Variants in RGS5 observed in about 807,000 individuals in gnomAD.
RGS5 encodes regulator of G protein signaling 5, also known as regulator of G-protein signalling 5.
A neutral mutation model predicts 18.9 loss-of-function variants in RGS5; 20 were observed. The ratio of observed to expected loss-of-function variants is 1.06; its 90% confidence interval spans 0.74 to 1.54. The LOEUF (loss-of-function observed/expected upper bound fraction) is 1.54, where lower values mean the gene tolerates loss of function less well. Among genes scored for constraint, RGS5 ranks in the 40% most tolerant of loss-of-function variants. The pLI, the probability that RGS5 is intolerant of heterozygous loss-of-function variation, is 0.00. For missense variants in RGS5, 201 were observed against 211.8 expected (o/e 0.95, Z 0.32); for synonymous variants, 57 against 76.2 (o/e 0.75, Z 1.31).
intron 2 of RGS5, chr1:163,266,534 C>T (rs1356901351): frequency 1.3e-5 from 2 of 152,000 alleles, no homozygotes; most frequent in Non-Finnish European, 2.9e-5. Context: ...CCATGCTTTG[C>T]CTCAATGTTT....
intron 2 of RGS5, among the ~76,000 whole-genome samples, chr1:163,270,515 CTT>C (rs1019102666): frequency 1.3e-5 from 2 of 151,782 alleles, no homozygotes; most frequent in Non-Finnish European, 2.9e-5. Context: ...GAGACCCTCT[CTT>C]TAAAAAGGAA....
intron 1 of RGS5, among the ~76,000 whole-genome samples, chr1:163,183,109 A>G (rs1251522153): frequency 6.6e-6 from 1 of 152,226 alleles, no homozygotes; most frequent in East Asian, 1.9e-4. Flanking sequence ...ACTACAAACA[A>G]CAATACTTAG....
In RGS5 at chr1:163,231,651, A is replaced by G. The variant is rs1032495902; in HGVS notation, c.-280-63283T>C. On this transcript the variant is annotated intron_variant, in intron 2 of 5. Transcript: ENST00000618415. ...GGAGAATAAACTGAACTTATTTGGTACTGTTGCCTTTTGTCCAAGCCCTTG... is the reference window on the plus strand; with the variant it reads ...GGAGAATAAACTGAACTTATTTGGTGCTGTTGCCTTTTGTCCAAGCCCTTG... 2.6e-5 allele frequency among the ~76,000 whole-genome samples: 4 copies of G among 151,494 alleles called. No individual in the cohort carries two copies. The Admixed American group carries it at 2.6e-4, about 10-fold the overall frequency.
At chr1:163,153,299 A>G (rs1657451607) in intron 3 of RGS5, among the ~76,000 whole-genome samples, 1 of 152,156 alleles carries the variant, frequency 6.6e-6, no homozygotes, top group African/African-American at 2.4e-5. Flanking sequence ...TAGATTCTGG[A>G]AAAAGTAGAA....
At chr1:163,269,977 C>G (rs755264276) in intron 2 of RGS5, among the ~76,000 whole-genome samples, 4 of 152,104 alleles carry the variant, frequency 2.6e-5, no homozygotes, top group Non-Finnish European at 5.9e-5. Context: ...TTATTAAACT[C>G]TAAAGAATTC....
intron 1 of RGS5, among the ~76,000 whole-genome samples, chr1:163,215,698 C>A (rs904591491): frequency 1.3e-5 from 2 of 152,146 alleles, no homozygotes; most frequent in Non-Finnish European, 1.5e-5. Context: ...AAATTGAAAT[C>A]TCTTCTCCAG....
chr1:163,258,344 T>C (rs548541023), intron 2 of RGS5, among the ~76,000 whole-genome samples: 1 of 152,318 alleles, frequency 6.6e-6, no homozygotes, highest in South Asian at 2.1e-4. Context: ...GGAATATGGA[T>C]ATAAATCTGG....
upstream of RGS5, among the ~76,000 whole-genome samples, chr1:163,206,338 T>C (rs772678825): frequency 3.3e-5 from 5 of 152,046 alleles, no homozygotes; most frequent in Non-Finnish European, 5.9e-5. Context: ...ACTAAGACAA[T>C]ATGGATTCAT....
intron 1 of RGS5, among the ~76,000 whole-genome samples, chr1:163,173,833 T>G (rs1255574285): frequency 1.3e-5 from 2 of 152,132 alleles, no homozygotes; most frequent in Admixed American, 1.3e-4. Context: ...CCCAGCACTT[T>G]AGGAGGCCGA....
intron 2 of RGS5, among the ~76,000 whole-genome samples, chr1:163,262,151 C>T (rs1648458317): frequency 5.0e-5 from 6 of 121,110 alleles, no homozygotes; most frequent in South Asian, 3.0e-4. Context: ...AGTTTTGAAA[C>T]TTTTTTTTTT....
intron 1 of RGS5, among the ~76,000 whole-genome samples, chr1:163,306,585 A>G (rs1649706413): frequency 6.6e-6 from 1 of 152,178 alleles, no homozygotes; most frequent in Non-Finnish European, 1.5e-5. Flanking sequence ...TCTAAAAGAG[A>G]TATGTTGAAA....
At chr1:163,182,158 TGGATAGGATA>T (rs994162114) in intron 1 of RGS5, among the ~76,000 whole-genome samples, 2 of 152,114 alleles carry the variant, frequency 1.3e-5, no homozygotes, top group Non-Finnish European at 2.9e-5. Context: ...AATGGATAAA[TGGATAGGATA>T]GGATAGGATA....
chr1:163,246,749 C>T (rs1647953736), intron 2 of RGS5, among the ~76,000 whole-genome samples: 1 of 152,124 alleles, frequency 6.6e-6, no homozygotes, highest in African/African-American at 2.4e-5. Flanking sequence ...GCTGATTCCT[C>T]TGGAATTTAT....
chr1:163,149,123 A>G (rs187715794), intron 4 of RGS5, among the ~76,000 whole-genome samples: 1 of 152,340 alleles, frequency 6.6e-6, no homozygotes, highest in African/African-American at 2.4e-5. Context: ...AAAGGGGTCA[A>G]TGTACTTTAT....
At chr1:163,261,556 C>A (rs535742200) in intron 2 of RGS5, among the ~76,000 whole-genome samples, 2 of 152,294 alleles carry the variant, frequency 1.3e-5, no homozygotes, top group Admixed American at 1.3e-4. Context: ...CTGTTCTCAA[C>A]AACTCCCTTC....
intron 2 of RGS5, among the ~76,000 whole-genome samples, chr1:163,270,435 G>T (rs1648690149): frequency 6.6e-6 from 1 of 150,526 alleles, no homozygotes; most frequent in African/African-American, 2.4e-5. Context: ...TGGGAGTATT[G>T]CTTGAACCCA....
At chr1:163,251,166 C>T (rs897414111) in intron 2 of RGS5, among the ~76,000 whole-genome samples, 1 of 152,058 alleles carries the variant, frequency 6.6e-6, no homozygotes, top group African/African-American at 2.4e-5. Flanking sequence ...GAGATGAACT[C>T]GATCCTCTGT....
At chr1:163,217,751 G>A, upstream of RGS5, 1 of 991,758 alleles carries the variant, frequency 1.0e-6, no homozygotes, top group Non-Finnish European at 1.4e-6. Flanking sequence ...TCCTGAACCT[G>A]AATTCTACCA....
chr1:163,307,818 T>C (rs1487430568), intron 1 of RGS5, among the ~76,000 whole-genome samples: 1 of 152,204 alleles, frequency 6.6e-6, no homozygotes, highest in Non-Finnish European at 1.5e-5. Flanking sequence ...ATATCCATTA[T>C]CTCATTTAAA....
Sources: allele counts gnomAD v4.1 joint callset (sites outside exome capture counted in the v4.1 genomes callset), GRCh38; gene constraint gnomAD v4.1.1; transcripts MANE v1.5; gene names NCBI Gene and HGNC (gene_info 2026-07-23, HGNC 2026-07-21).